SCAF4: variants seen among roughly 807,000 people sequenced by gnomAD.
The protein encoded by SCAF4 is SR-related CTD associated factor 4.
In SCAF4, 25 loss-of-function variants were observed where a neutral mutation model predicts 129.8. That is an observed-to-expected ratio of 0.19 (90% CI 0.14 to 0.27). The LOEUF is 0.27. SCAF4 is among the 10% of genes least tolerant of loss of function. SCAF4 has a pLI of 1.00. For synonymous variants in SCAF4, 551 were observed against 497.7 expected, an observed-to-expected ratio of 1.11 and a Z score of -1.43; for missense variants, 1,246 against 1,457.1, an observed-to-expected ratio of 0.86 and a Z score of 2.36.
At chr21:31,705,607 AAATTT>A (rs1336824974) in intron 2 of SCAF4, 140 bp from the exon 3 acceptor site, 4 of 341,826 alleles carry the variant, frequency 1.2e-5, no homozygotes, top group African/African-American at 4.2e-5. Context: ...ACATAATAAA[AAATTT>A]AATATTAAAA....
At chr21:31,719,185 G>C (rs1031228768) in intron 1 of SCAF4, among the ~76,000 whole-genome samples, 1 of 152,038 alleles carries the variant, frequency 6.6e-6, no homozygotes, top group Non-Finnish European at 1.5e-5. Context: ...AGCTACTCAA[G>C]AGGCTGAGCC....
intron 1 of SCAF4, among the ~76,000 whole-genome samples, chr21:31,714,343 A>G (rs1350635734): frequency 6.6e-6 from 1 of 152,212 alleles, no homozygotes; most frequent in African/African-American, 2.4e-5. Flanking sequence ...ATCCTCCTGC[A>G]TAAAAATAAC....
rs564323596 is a variant in SCAF4 at position 31,728,751 on chromosome 21, T to A, written c.30+2912A>T. Among the ~76,000 whole-genome samples the A allele has an allele frequency of 1.8e-4, 28 of 152,184 alleles. No homozygotes were observed. The South Asian group carries it at 5.8e-3, about 32-fold the overall frequency. On this transcript the variant is annotated intron_variant, in intron 1 of 19. Coordinates refer to ENST00000286835, the MANE Select transcript of SCAF4 (RefSeq NM_020706.2). ...TCTTTCCCATCTGAACTCCTGGATG[T>A]CTCCCTCTATCTCTTAGTTGCTTCC...
At chr21:31,727,612 T>C (rs554730156) in intron 1 of SCAF4, among the ~76,000 whole-genome samples, 2 of 151,946 alleles carry the variant, frequency 1.3e-5, no homozygotes, top group African/African-American at 4.8e-5. Flanking sequence ...GCCAACATGG[T>C]GAAACCCCGT....
rs1334913971 is a variant in SCAF4 at position 31,672,280 on chromosome 21, C to T, written c.2563G>A (p.Gly855Ser). ...PSTGLLGARP[G>S]LIPLQRPPGM... The stretch of plus-strand genomic sequence containing the variant: ...GGAGGGCGCTGGAGTGGGATGAGAC[C>T]GGGCCGGGCGCCAAGAAGACCAGTA... Residue 855 changes from glycine to serine, a missense_variant, in exon 20 of 20, where the codon GGT (glycine) becomes AGT (serine). Transcript: ENST00000286835. The T allele has an allele frequency of 1.2e-5, 19 of 1,613,710 alleles. No individual in the cohort carries two copies. Among genetic ancestry groups the T allele is most frequent in the Non-Finnish European group, 1.6e-5 (19 of 1,179,968 alleles).
chr21:31,688,566 T>TA, intron 15 of SCAF4, 102 bp from the exon 16 acceptor site: 4 of 913,418 alleles, frequency 4.4e-6, no homozygotes, highest in Middle Eastern at 2.5e-4. Context: ...GCCCAGTTAT[T>TA]AAAGAAATTC....
At position 31,701,635 on chromosome 21, in the gene SCAF4, AC is replaced by A. The variant is rs368358752; in HGVS notation, c.600+140del. The A allele has an allele frequency of 1.2e-4, 101 of 814,712 alleles. No homozygotes were observed. In the African/African-American group the frequency reaches 1.7e-3, roughly 13 times the overall value. The allele number at this position is 814,712 out of a possible 1,614,324, so 50.5% of individuals were successfully genotyped here. A position where few individuals can be genotyped will look rare whatever the true frequency, so the allele number is the denominator to read the frequency against. On this transcript the variant is annotated intron_variant, in intron 6 of 19. Coordinates refer to ENST00000286835, the MANE Select transcript of SCAF4 (RefSeq NM_020706.2). ...ACATTTTCCCTGTTCCTCCTACATT[AC>A]TTCTCTTGTGAAGGCTTTTCTAGTT...
intron 1 of SCAF4, among the ~76,000 whole-genome samples, chr21:31,720,255 G>C (rs1347119254): frequency 6.6e-6 from 1 of 152,194 alleles, no homozygotes; most frequent in Non-Finnish European, 1.5e-5. Flanking sequence ...ATTAATGCTA[G>C]CATTTATAAA....
chr21:31,679,360 T>C (rs1020620024), intron 19 of SCAF4, among the ~76,000 whole-genome samples: 2 of 152,092 alleles, frequency 1.3e-5, no homozygotes, highest in African/African-American at 2.4e-5. Context: ...AATCAGCAAG[T>C]ATTATCCTTT....
intron 19 of SCAF4, among the ~76,000 whole-genome samples, chr21:31,676,724 ACCCAC>A (rs1445190390): frequency 6.6e-6 from 1 of 152,228 alleles, no homozygotes; most frequent in African/African-American, 2.4e-5. Context: ...CCTGTAATTT[ACCCAC>A]ATAAATGTAC....
chr21:31,707,005 C>A, intron 1 of SCAF4: 1 of 299,802 alleles, frequency 3.3e-6, no homozygotes, highest in African/African-American at 2.3e-5. Flanking sequence ...CAGTTCATCC[C>A]ATTTTTTATG....
At chr21:31,724,057 C>A (rs1246923594) in intron 1 of SCAF4, among the ~76,000 whole-genome samples, 1 of 152,130 alleles carries the variant, frequency 6.6e-6, no homozygotes, top group Non-Finnish European at 1.5e-5. Context: ...ACTTACTTAT[C>A]TATGTCTTAA....
intron 9 of SCAF4, 125 bp downstream of exon 9, chr21:31,695,988 C>T: frequency 1.8e-6 from 1 of 553,616 alleles, no homozygotes; most frequent in Non-Finnish European, 3.1e-6. Context: ...ACGTGTTCAA[C>T]AGCTTTTATC....
intron 1 of SCAF4, among the ~76,000 whole-genome samples, chr21:31,731,305 C>T (rs2051349792): frequency 6.6e-6 from 1 of 152,250 alleles, no homozygotes; most frequent in African/African-American, 2.4e-5. Context: ...GCTCCCGGCA[C>T]TGCGAACCCG....
In SCAF4 at chr21:31,672,357, A is replaced by G. The variant is rs774971958; in HGVS notation, c.2489-3T>C. The G allele has an allele frequency of 1.1e-4, 173 of 1,603,890 alleles. No individual in the cohort carries two copies. Among genetic ancestry groups the G allele is most frequent in the Non-Finnish European group, 1.4e-4 (169 of 1,171,730 alleles). On this transcript the variant is annotated splice_polypyrimidine_tract_variant and splice_region_variant and intron_variant, in intron 19 of 19. Transcript: ENST00000286835. ...ACCAGGGGCAACTCCTTGAGTGCCT[A>G]AAAGACGACAAAAATAAAAATGTAA...
intron 19 of SCAF4, among the ~76,000 whole-genome samples, chr21:31,675,006 G>T (rs1351215044): frequency 6.6e-6 from 1 of 152,138 alleles, no homozygotes; most frequent in Non-Finnish European, 1.5e-5. Context: ...TGTCTGAATT[G>T]GATCTCAAAG....
chr21:31,722,451 C>T (rs558602036), intron 1 of SCAF4, among the ~76,000 whole-genome samples: 25 of 152,168 alleles, frequency 1.6e-4, no homozygotes, highest in Non-Finnish European at 2.8e-4. Context: ...CCAGAATCGG[C>T]CTCAAACAAA....
intron 19 of SCAF4, among the ~76,000 whole-genome samples, chr21:31,676,614 T>C (rs557110630): frequency 5.3e-5 from 8 of 152,272 alleles, no homozygotes; most frequent in African/African-American, 1.9e-4. Flanking sequence ...CAATCCACAT[T>C]CTCATGTCCT....
chr21:31,721,629 A>G (rs894662753), intron 1 of SCAF4, among the ~76,000 whole-genome samples: 1 of 151,896 alleles, frequency 6.6e-6, no homozygotes, highest in Non-Finnish European at 1.5e-5. Flanking sequence ...GGAGCAGTCC[A>G]CCCAGGTGCA....
Sources: allele counts gnomAD v4.1 joint callset (sites outside exome capture counted in the v4.1 genomes callset), GRCh38; gene constraint gnomAD v4.1.1; transcripts MANE v1.5; gene names NCBI Gene and HGNC (gene_info 2026-07-23, HGNC 2026-07-21).